Variants in AFG2A observed in about 807,000 individuals in gnomAD.
AFG2A encodes ATPase family gene 2 protein homolog A.
At chr4:123,053,169 A>G in the AFG2A span, among the ~76,000 whole-genome samples, 2 of 152,160 alleles carry the variant, frequency 1.3e-5, no homozygotes, top group African/African-American at 4.8e-5. Context: ...AACCAGAAAC[A>G]ATATTTTGCA....
chr4:123,259,816 C>G, the AFG2A span: 1 of 152,182 alleles, frequency 6.6e-6, no homozygotes, highest in Admixed American at 6.5e-5. Context: ...ATGCCCTATG[C>G]TTGGGAACAC....
At chr4:123,061,507 C>A in the AFG2A span, among the ~76,000 whole-genome samples, 4 of 152,150 alleles carry the variant, frequency 2.6e-5, no homozygotes, top group Admixed American at 2.6e-4. Context: ...CAGGGCAACT[C>A]CCCTTTATAA....
At chr4:123,046,052 G>A in the AFG2A span, among the ~76,000 whole-genome samples, 4 of 150,736 alleles carry the variant, frequency 2.7e-5, no homozygotes, top group African/African-American at 7.3e-5. Flanking sequence ...AGTGGAGATT[G>A]CACCACTGCC....
the AFG2A span, among the ~76,000 whole-genome samples, chr4:123,184,916 C>T: frequency 1.3e-5 from 2 of 152,116 alleles, no homozygotes; most frequent in African/African-American, 2.4e-5. Flanking sequence ...CTTTGGTTAG[C>T]GTGATAAATC....
chr4:123,309,289 G>T, the AFG2A span, among the ~76,000 whole-genome samples: 2 of 152,186 alleles, frequency 1.3e-5, no homozygotes, highest in African/African-American at 2.4e-5. Flanking sequence ...AAACTGGGAA[G>T]TCCAGGATCA....
the AFG2A span, among the ~76,000 whole-genome samples, chr4:123,025,992 G>C: frequency 6.6e-6 from 1 of 152,028 alleles, no homozygotes; most frequent in African/African-American, 2.4e-5. Flanking sequence ...AAAGGTAGTT[G>C]GATTTGTCAC....
At chr4:123,079,745 C>CTTTTTTTTTTTTTTTTTTTTTTTTTTTTT in the AFG2A span, among the ~76,000 whole-genome samples, 2 of 72,660 alleles carry the variant, frequency 2.8e-5, no homozygotes, top group African/African-American at 5.8e-5. Context: ...TCTTTTCCTT[C>CTTTTTTTTTTTTTTTTTTTTTTTTTTTTT]TTTTTTTTTT....
chr4:123,229,963 AT>A, the AFG2A span, among the ~76,000 whole-genome samples: 85 of 151,858 alleles, frequency 5.6e-4, no homozygotes, highest in Non-Finnish European at 9.6e-4. Flanking sequence ...TAAAAAAACA[AT>A]TTTTTTTATT....
At chr4:123,130,464 G>C in the AFG2A span, among the ~76,000 whole-genome samples, 1 of 152,168 alleles carries the variant, frequency 6.6e-6, no homozygotes, top group African/African-American at 2.4e-5. Context: ...GGCAACTACT[G>C]ATCTGTCCTG....
chr4:123,254,804 G>A, the AFG2A span, among the ~76,000 whole-genome samples: 2 of 152,108 alleles, frequency 1.3e-5, no homozygotes, highest in African/African-American at 4.8e-5. Flanking sequence ...TCCATTAGTT[G>A]TAAAATAATG....
At chr4:122,987,212 A>G in the AFG2A span, among the ~76,000 whole-genome samples, 3 of 152,120 alleles carry the variant, frequency 2.0e-5, no homozygotes, top group Non-Finnish European at 4.4e-5. Flanking sequence ...TAGCAATCAA[A>G]ATAGAGCTGA....
the AFG2A span, among the ~76,000 whole-genome samples, chr4:123,078,782 A>G: frequency 6.6e-6 from 1 of 152,098 alleles, no homozygotes; most frequent in East Asian, 1.9e-4. Context: ...GTAACACTAA[A>G]TGGTTACCCA....
the AFG2A span, among the ~76,000 whole-genome samples, chr4:123,096,241 G>A: frequency 4.1e-5 from 6 of 146,210 alleles, no homozygotes; most frequent in Admixed American, 2.0e-4. Context: ...TTCATTTTGC[G>A]TAAGAGTGAT....
chr4:122,997,455 C>T, the AFG2A span, among the ~76,000 whole-genome samples: 1 of 152,094 alleles, frequency 6.6e-6, no homozygotes, highest in Non-Finnish European at 1.5e-5. Flanking sequence ...ATGCATGTTG[C>T]AGCATGTATC....
the AFG2A span, among the ~76,000 whole-genome samples, chr4:123,138,917 A>G: frequency 2.0e-5 from 3 of 152,074 alleles, no homozygotes; most frequent in Admixed American, 6.5e-5. Context: ...TATAAAATAT[A>G]TGTATATCAA....
the AFG2A span, among the ~76,000 whole-genome samples, chr4:123,071,644 G>A: frequency 6.6e-6 from 1 of 152,192 alleles, no homozygotes; most frequent in Non-Finnish European, 1.5e-5. Context: ...TATGTTAACA[G>A]TTTATACAAA....
At chr4:122,982,864 CTT>C in the AFG2A span, among the ~76,000 whole-genome samples, 2 of 93,746 alleles carry the variant, frequency 2.1e-5, no homozygotes, top group East Asian at 3.2e-4. Flanking sequence ...TAATCTTCTT[CTT>C]TTTTTTTTTT....
At chr4:123,083,646 G>A in the AFG2A span, among the ~76,000 whole-genome samples, 1 of 149,136 alleles carries the variant, frequency 6.7e-6, no homozygotes, top group Non-Finnish European at 1.5e-5. Flanking sequence ...ATAGCTCACT[G>A]CATTCTTGAA....
chr4:123,250,819 A>G, the AFG2A span, among the ~76,000 whole-genome samples: 1 of 152,216 alleles, frequency 6.6e-6, no homozygotes, highest in African/African-American at 2.4e-5. Flanking sequence ...TTGAGTTGTC[A>G]TATAGTGATT....
Sources: allele counts gnomAD v4.1 joint callset (sites outside exome capture counted in the v4.1 genomes callset), GRCh38; gene constraint gnomAD v4.1.1; transcripts MANE v1.5; gene names NCBI Gene and HGNC (gene_info 2026-07-23, HGNC 2026-07-21).